The following COL6A2 variants were observed in gnomAD, a reference collection of about 807,000 sequenced individuals.
COL6A2 encodes the protein collagen alpha-2(VI) chain.
COL6A2 carries 90 observed loss-of-function variants against 124.9 expected under a neutral mutation model. The observed-to-expected ratio is 0.72, with a 90% CI of 0.61 to 0.86. The LOEUF is 0.86. Ranked by LOEUF, COL6A2 falls within the 40% of genes least tolerant of loss-of-function variation. The pLI, the probability that COL6A2 is intolerant of heterozygous loss-of-function variation, is 0.00. For missense variants in COL6A2, 1,607 were observed against 1,502.5 expected, an observed-to-expected ratio of 1.07 and a Z score of -1.15; for synonymous variants, 793 against 618.2, an observed-to-expected ratio of 1.28 and a Z score of -4.19.
At chr21:46,109,748 T>C (rs573085903) in intron 1 of COL6A2, among the ~76,000 whole-genome samples, 1 of 151,968 alleles carries the variant, frequency 6.6e-6, no homozygotes, top group African/African-American at 2.4e-5. Context: ...TGCTCTGAGA[T>C]TGGAGTGGGT....
intron 27 of COL6A2, chr21:46,129,723 C>T (rs886741050): frequency 2.1e-6 from 3 of 1,399,180 alleles, no homozygotes; most frequent in African/African-American, 1.4e-5. Flanking sequence ...CCTGTGGCCG[C>T]TCTCTTTATA....
At chr21:46,122,003 C>T (rs1459468730) in intron 18 of COL6A2, 105 bp from the exon 19 acceptor site, 59 of 1,240,834 alleles carry the variant, frequency 4.8e-5, no homozygotes, top group Non-Finnish European at 6.4e-5. Flanking sequence ...GACGGCACCC[C>T]TAGCCCACTT....
intron 27 of COL6A2, among the ~76,000 whole-genome samples, chr21:46,127,462 G>A (rs73908542): frequency 0.015 from 2,331 of 152,258 alleles, 58 homozygotes; most frequent in African/African-American, 0.052. Context: ...CTGCGACAGA[G>A]AACCTAGGGC....
chr21:46,130,816 A>C (rs2078750747), intron 27 of COL6A2, among the ~76,000 whole-genome samples: 1 of 152,186 alleles, frequency 6.6e-6, no homozygotes, highest in South Asian at 2.1e-4. Flanking sequence ...CTTAACAGGG[A>C]GGCTGCCCTT....
chr21:46,099,910 T>C (rs1207511988), intron 1 of COL6A2, among the ~76,000 whole-genome samples: 7 of 143,982 alleles, frequency 4.9e-5, no homozygotes, highest in African/African-American at 1.5e-4. Flanking sequence ...TTTTTTTTTT[T>C]TTCTCATTTC....
chr21:46,109,203 A>T (rs763116923), intron 1 of COL6A2, among the ~76,000 whole-genome samples: 2 of 151,898 alleles, frequency 1.3e-5, no homozygotes, highest in African/African-American at 2.4e-5. Flanking sequence ...AGCCCTGGAG[A>T]GGGTAGCTCC....
chr21:46,100,498 A>G (rs2123589067), intron 1 of COL6A2, among the ~76,000 whole-genome samples: 1 of 152,318 alleles, frequency 6.6e-6, no homozygotes, highest in South Asian at 2.1e-4. Context: ...GCCATCACCA[A>G]GGTCCATCTC....
intron 21 of COL6A2, among the ~76,000 whole-genome samples, chr21:46,123,506 T>A (rs2078600035): frequency 6.6e-6 from 1 of 151,232 alleles, no homozygotes; most frequent in Non-Finnish European, 1.5e-5. Context: ...TGGATAACGA[T>A]GGATGGATGG....
At chr21:46,123,769 T>G (rs1353978925) in intron 21 of COL6A2, among the ~76,000 whole-genome samples, 2 of 146,330 alleles carry the variant, frequency 1.4e-5, no homozygotes, top group African/African-American at 5.2e-5. Flanking sequence ...AGTGGGGGGA[T>G]GGATGGGTGA....
At chr21:46,105,720 G>T (rs2078328831) in intron 1 of COL6A2, among the ~76,000 whole-genome samples, 1 of 151,268 alleles carries the variant, frequency 6.6e-6, no homozygotes, top group South Asian at 2.1e-4. Context: ...AATAACTAAA[G>T]AATAAATACA....
In COL6A2 at chr21:46,129,320, G is replaced by A. The variant is rs773919076; in HGVS notation, c.2462-2634G>A. 3.7e-6 allele frequency: 6 copies of A among 1,612,936 alleles called. No homozygotes were observed. The Admixed American group carries it at 6.7e-5, about 18-fold the overall frequency. On this transcript the variant is annotated intron_variant, in intron 27 of 27. Transcript: ENST00000300527. ...TGCTAAACGCCACGGAGCTCACGCA[G>A]GACCCGGCCGCCTACTCCCAGCTGG...
chr21:46,109,189 A>G (rs1237154405), intron 1 of COL6A2, among the ~76,000 whole-genome samples: 1 of 152,036 alleles, frequency 6.6e-6, no homozygotes, highest in Non-Finnish European at 1.5e-5. Flanking sequence ...CTCAGCAGAG[A>G]GAAAGCCCTG....
At position 46,129,133 on chromosome 21, in the gene COL6A2, G is replaced by T; in HGVS notation, c.2461+2592G>T. 12 of 1,609,608 alleles carry T rather than the reference G, an allele frequency of 7.5e-6. 1 individual carries two copies. In the South Asian group the frequency reaches 1.3e-4, roughly 18 times the overall value. On this transcript the variant is annotated intron_variant, in intron 27 of 27. Coordinates refer to ENST00000300527, the MANE Select transcript of COL6A2 (RefSeq NM_001849.4). The stretch of plus-strand genomic sequence containing the variant: ...CTGGCCTCGCTGAGCGGCTGCCCGA[G>T]GAGGAGCTCTAGGCCGACGCCCACC...
intron 15 of COL6A2, 83 bp downstream of exon 15, chr21:46,119,933 C>A: frequency 7.9e-7 from 1 of 1,265,188 alleles, no homozygotes; most frequent in Non-Finnish European, 1.1e-6. Flanking sequence ...CCCATTCCTC[C>A]CAGAGAACAA....
chr21:46,128,020 C>T (rs1009403721), intron 27 of COL6A2, among the ~76,000 whole-genome samples: 1 of 152,176 alleles, frequency 6.6e-6, no homozygotes, highest in Admixed American at 6.5e-5. Flanking sequence ...CGCTTATCGG[C>T]GACATCAGCC....
chr21:46,119,188 T>G, intron 14 of COL6A2, 69 bp downstream of exon 14: 1 of 1,217,576 alleles, frequency 8.2e-7, no homozygotes, highest in Non-Finnish European at 1.2e-6. Context: ...AGGAGGACCA[T>G]GGGGGAAGGG....
chr21:46,112,085 G>A lies in COL6A2; in HGVS notation c.222G>A (p.Val74=). Residue 74 remains valine, a synonymous_variant, in exon 3 of 28, where the codon GTG becomes GTA. Transcript: ENST00000300527. ...DILLFHMKQF[V]PQFISQLQNE... ...TGCTCTTCCACATGAAGCAGTTCGT[G>A]CCGCAGTTCATCAGCCAGCTGCAGA... The A allele has an allele frequency of 1.2e-6, 2 of 1,613,186 alleles. No individual in the cohort carries two copies. Among genetic ancestry groups the A allele is most frequent in the South Asian group, 2.2e-5 (2 of 91,084 alleles).
rs1014119784 is a variant in COL6A2, at chr21:46,132,359, G to C, written c.2867G>C (p.Ser956Thr). ...FLTDGVTGNDSLHESAHSMRK... is the reference protein window; with the variant it reads ...FLTDGVTGNDTLHESAHSMRK... ...ACGGACGGCGTCACGGGCAACGACA[G>C]TCTGCACGAGTCGGCGCACTCCATG... is the stretch of plus-strand genomic sequence containing the variant. The change falls in exon 28 of 28, where the codon AGT becomes ACT. Residue 956 changes from serine (S) to threonine (T), a missense_variant. Ser to Thr is a moderately conservative substitution (Grantham distance 58). Around this residue, in one of 3 missense-constraint regions of COL6A2, gnomAD observed 1,223 missense variants for 1,052.2 expected, o/e 1.16. Transcript: ENST00000300527. 1 of 1,608,900 alleles carries C rather than the reference G, an allele frequency of 6.2e-7. No homozygotes were observed. Among genetic ancestry groups the C allele is most frequent in the Non-Finnish European group, 8.5e-7 (1 of 1,179,554 alleles).
At chr21:46,114,116 G>T (rs891519345) in intron 5 of COL6A2, 43 bp downstream of exon 5, 4 of 1,550,978 alleles carry the variant, frequency 2.6e-6, no homozygotes, top group African/African-American at 1.4e-5. Flanking sequence ...CTACCAGGAA[G>T]CCCCTGATTT....
Sources: gnomAD v4.1 joint callset for allele counts (sites outside exome capture counted in the v4.1 genomes callset) on GRCh38, gnomAD v4.1.1 for gene constraint, gnomAD v4.1.1 regional missense constraint, MANE v1.5 for transcripts, NCBI Gene and HGNC (gene_info 2026-07-23, HGNC 2026-07-21) for gene names.